ASIC2: variants seen among roughly 807,000 people sequenced by gnomAD.
ASIC2 encodes acid-sensing ion channel 2.
Under a neutral mutation model 57.3 loss-of-function variants are expected in ASIC2, and 25 were observed. The ratio of observed to expected loss-of-function variants is 0.44; its 90% CI spans 0.32 to 0.61. The LOEUF (loss-of-function observed/expected upper bound fraction) is 0.61, where lower values mean the gene tolerates loss of function less well. Ranked by LOEUF, ASIC2 falls within the 20% of genes least tolerant of loss-of-function variation. ASIC2 has a pLI of 0.06. For missense variants in ASIC2, 641 were observed against 738.1 expected (o/e 0.87, Z 1.52); for synonymous variants, 319 against 307.5 (o/e 1.04, Z -0.39).
In ASIC2 at chr17:33,677,383, G is replaced by A. The variant is rs562242444; in HGVS notation, c.555+478595C>T. Among the ~76,000 whole-genome samples, 11 of 152,242 alleles carry A rather than the reference G, an allele frequency of 7.2e-5. 1 individual carries two copies. Among genetic ancestry groups the A allele is most frequent in the Middle Eastern group, 3.4e-3 (1 of 294 alleles). The stretch of plus-strand genomic sequence containing the variant: ...GGACCCTTAAGAACATCTATTCTGC[G>A]CCCATGGATCAAGAAGTAATTTTGA... On this transcript the variant is annotated intron_variant, in intron 1 of 9. Transcript: ENST00000359872.
intron 3 of ASIC2, among the ~76,000 whole-genome samples, chr17:33,038,520 C>T (rs1004741696): frequency 8.5e-5 from 13 of 152,136 alleles, no homozygotes; most frequent in Admixed American, 2.0e-4. Context: ...TGAGCTAGCC[C>T]GGAGATCGAG....
intron 1 of ASIC2, among the ~76,000 whole-genome samples, chr17:34,102,747 A>C (rs1910910926): frequency 6.6e-6 from 1 of 152,220 alleles, no homozygotes; most frequent in African/African-American, 2.4e-5. Flanking sequence ...GGCTGTTTCC[A>C]GTTCTTGGTA....
intron 1 of ASIC2, among the ~76,000 whole-genome samples, chr17:33,895,709 T>C (rs1196272058): frequency 2.0e-5 from 3 of 152,240 alleles, no homozygotes; most frequent in African/African-American, 7.2e-5. Context: ...GCTGAGTTGA[T>C]CCTGGTAGGG....
chr17:33,583,407 A>C (rs189969198), intron 1 of ASIC2, among the ~76,000 whole-genome samples: 5 of 152,146 alleles, frequency 3.3e-5, no homozygotes, highest in African/African-American at 1.2e-4. Context: ...AGAAATGCTT[A>C]TGTGTGGACA....
chr17:33,470,923 T>G (rs1391068642), intron 1 of ASIC2, among the ~76,000 whole-genome samples: 3 of 141,688 alleles, frequency 2.1e-5, no homozygotes, highest in Non-Finnish European at 4.7e-5. Flanking sequence ...CTCCTGAATC[T>G]TGCACATCAT....
chr17:33,627,512 C>G (rs1211212048), intron 1 of ASIC2, among the ~76,000 whole-genome samples: 1 of 152,202 alleles, frequency 6.6e-6, no homozygotes, highest in Non-Finnish European at 1.5e-5. Flanking sequence ...GCTCCTGCCA[C>G]TGATGAAAAG....
chr17:33,996,616 C>G (rs1906169085), intron 1 of ASIC2, among the ~76,000 whole-genome samples: 1 of 152,104 alleles, frequency 6.6e-6, no homozygotes, highest in Admixed American at 6.5e-5. Flanking sequence ...CAAAGACTGT[C>G]CTTCTCCCAT....
intron 1 of ASIC2, among the ~76,000 whole-genome samples, chr17:34,044,247 C>T (rs1473590682): frequency 6.6e-6 from 1 of 152,002 alleles, no homozygotes; most frequent in East Asian, 1.9e-4. Flanking sequence ...TCATGCTGTC[C>T]CTGGTGAAAA....
chr17:33,142,893 A>T (rs1054077183), intron 1 of ASIC2, among the ~76,000 whole-genome samples: 5 of 152,222 alleles, frequency 3.3e-5, no homozygotes, highest in African/African-American at 1.2e-4. Flanking sequence ...GTGTGGCCAG[A>T]TGAAAGGGTT....
chr17:34,126,360 C>T (rs1414255269), intron 1 of ASIC2, among the ~76,000 whole-genome samples: 1 of 152,202 alleles, frequency 6.6e-6, no homozygotes, highest in Non-Finnish European at 1.5e-5. Context: ...CTCATTATCC[C>T]ACAGCCTGGG....
intron 1 of ASIC2, among the ~76,000 whole-genome samples, chr17:34,095,980 AAGT>A (rs1328052653): frequency 1.3e-5 from 2 of 152,112 alleles, no homozygotes; most frequent in Non-Finnish European, 2.9e-5. Flanking sequence ...AGCTCAGAAA[AAGT>A]AGATAACTTT....
intron 1 of ASIC2, among the ~76,000 whole-genome samples, chr17:33,795,695 G>C (rs1225768675): frequency 6.6e-6 from 1 of 152,212 alleles, no homozygotes; most frequent in Non-Finnish European, 1.5e-5. Flanking sequence ...GTAATGTGAT[G>C]ATCCATGCAT....
intron 1 of ASIC2, among the ~76,000 whole-genome samples, chr17:33,444,618 G>A (rs1181912754): frequency 1.3e-5 from 2 of 152,232 alleles, no homozygotes; most frequent in Non-Finnish European, 2.9e-5. Flanking sequence ...GAGTGGGCAA[G>A]TGTTAGGGTA....
rs1421671765 is a variant in ASIC2, at chr17:34,086,323, T to C, written c.555+69655A>G. Reference sequence around the variant, plus strand: ...CAAGTAGTCATTCAGGAGCAGGTTGTTCAGTTTCCATGTAGTTGAGCGGTT... The same window carrying C: ...CAAGTAGTCATTCAGGAGCAGGTTGCTCAGTTTCCATGTAGTTGAGCGGTT... On this transcript the variant is annotated intron_variant, in intron 1 of 9. Coordinates refer to the ASIC2 transcript ENST00000359872. Among the ~76,000 whole-genome samples, 9 of 152,334 alleles carry C rather than the reference T, an allele frequency of 5.9e-5. No homozygotes were observed. The East Asian group carries it at 1.7e-3, about 29-fold the overall frequency.
At chr17:33,626,684 G>A (rs1326799394) in intron 1 of ASIC2, among the ~76,000 whole-genome samples, 1 of 152,088 alleles carries the variant, frequency 6.6e-6, no homozygotes, top group African/African-American at 2.4e-5. Flanking sequence ...CTCTTCTTTA[G>A]CACTCCTGAC....
rs1044991399 is a variant in ASIC2 at position 33,588,729 on chromosome 17, C to T, written c.556-476662G>A. ...CAGAGAGGGAAGGTGTTACCTTATA[C>T]AAGGGGTCAAGTGTGGCTCCCCAGA... On this transcript the variant is annotated intron_variant, in intron 1 of 9. Coordinates refer to the ASIC2 transcript ENST00000359872. Among the ~76,000 whole-genome samples the T allele has an allele frequency of 3.3e-5, 5 of 152,288 alleles. No individual in the cohort carries two copies. The South Asian group carries it at 8.3e-4, about 25-fold the overall frequency.
At chr17:33,152,776 T>C (rs927163900) in intron 1 of ASIC2, among the ~76,000 whole-genome samples, 3 of 152,210 alleles carry the variant, frequency 2.0e-5, no homozygotes, top group Non-Finnish European at 4.4e-5. Context: ...TGAGTTACAA[T>C]GCACATTAGC....
intron 1 of ASIC2, among the ~76,000 whole-genome samples, chr17:33,487,594 T>C (rs1208043344): frequency 6.6e-6 from 1 of 152,212 alleles, no homozygotes. Flanking sequence ...GATTGAAGGA[T>C]GCAAAGCATT....
chr17:33,742,495 G>C (rs187745719), intron 1 of ASIC2, among the ~76,000 whole-genome samples: 1 of 152,320 alleles, frequency 6.6e-6, no homozygotes, highest in East Asian at 1.9e-4. Context: ...TGCTCCTCTA[G>C]AGAGGAGTGA....
Sources: gnomAD v4.1 joint callset for allele counts (sites outside exome capture counted in the v4.1 genomes callset) on GRCh38, gnomAD v4.1.1 for gene constraint, MANE v1.5 for transcripts, NCBI Gene and HGNC (gene_info 2026-07-23, HGNC 2026-07-21) for gene names.